The following DENND2B variants were observed in gnomAD, a reference collection of about 807,000 sequenced individuals.
DENND2B encodes DENN domain-containing protein 2B.
In DENND2B, 32 loss-of-function variants were observed where a neutral mutation model predicts 116.0. The observed-to-expected ratio is 0.28, with a 90% confidence interval of 0.21 to 0.37. The LOEUF (loss-of-function observed/expected upper bound fraction) is 0.37. Among genes scored for constraint, DENND2B ranks in the 10% least tolerant of loss-of-function variants. The pLI is 1.00. For synonymous variants in DENND2B, 588 were observed against 583.9 expected (o/e 1.01, Z -0.10); for missense variants, 1,276 against 1,477.7 (o/e 0.86, Z 2.24).
rs754889694 is a variant in DENND2B, at chr11:8,881,751, G to A, written c.-255-642C>T. On this transcript the variant is annotated intron_variant, in intron 1 of 22. Coordinates refer to the DENND2B transcript ENST00000534127. Reference sequence around the variant, plus strand: ...AGACAGGATTTCACCACGTTGGCCAGGCTGGTCTTGCACTTCTGACCTCAA... The same window carrying A: ...AGACAGGATTTCACCACGTTGGCCAAGCTGGTCTTGCACTTCTGACCTCAA... Among the ~76,000 whole-genome samples the A allele has an allele frequency of 3.5e-4, 53 of 152,100 alleles. 1 individual carries two copies. The highest frequency in any genetic ancestry group is 3.8e-4 in the Non-Finnish European group (26 of 68,014).
intron 3 of DENND2B, among the ~76,000 whole-genome samples, chr11:8,856,752 C>CTTT (rs397961269): frequency 1.4e-5 from 2 of 143,464 alleles, no homozygotes; most frequent in Non-Finnish European, 1.5e-5. Context: ...TCACTATTTT[C>CTTT]TTTTTTTTTT....
intron 1 of DENND2B, chr11:8,768,756 T>G (rs1195099323): frequency 6.6e-6 from 1 of 152,548 alleles, no homozygotes; most frequent in Non-Finnish European, 1.5e-5. Context: ...CTAGTCAGCA[T>G]GCTCACCAAG....
At chr11:8,807,099 C>T (rs1355140389) in intron 1 of DENND2B, among the ~76,000 whole-genome samples, 5 of 151,932 alleles carry the variant, frequency 3.3e-5, no homozygotes, top group African/African-American at 1.2e-4. Context: ...AGCCAGGGCT[C>T]GGAAGGGCTG....
intron 1 of DENND2B, among the ~76,000 whole-genome samples, chr11:8,799,033 G>A (rs2060077608): frequency 6.6e-6 from 1 of 152,102 alleles, no homozygotes. Flanking sequence ...TGTTGGCCAG[G>A]CTGGTCTTGA....
At chr11:8,796,157 A>G (rs746669427) in intron 1 of DENND2B, among the ~76,000 whole-genome samples, 1 of 152,238 alleles carries the variant, frequency 6.6e-6, no homozygotes, top group Non-Finnish European at 1.5e-5. Flanking sequence ...ACACCAAGGA[A>G]TGAGAGTTTA....
At chr11:8,893,446 A>G (rs1313675392) in intron 1 of DENND2B, among the ~76,000 whole-genome samples, 3 of 152,184 alleles carry the variant, frequency 2.0e-5, no homozygotes, top group East Asian at 1.9e-4. Context: ...TAGGAAAAGA[A>G]GAAGTCAAAT....
chr11:8,868,289 G>A (rs770689672), intron 2 of DENND2B, among the ~76,000 whole-genome samples: 3 of 152,216 alleles, frequency 2.0e-5, no homozygotes, highest in Non-Finnish European at 2.9e-5. Context: ...ACTTGCACAT[G>A]ACTTGTGATG....
intron 3 of DENND2B, among the ~76,000 whole-genome samples, chr11:8,848,611 C>T (rs921927026): frequency 1.3e-5 from 2 of 151,932 alleles, no homozygotes; most frequent in East Asian, 1.9e-4. Flanking sequence ...ATATGCTTCC[C>T]GAAATATTAT....
At chr11:8,713,260 C>A (rs946356012) in intron 8 of DENND2B, among the ~76,000 whole-genome samples, 2 of 152,160 alleles carry the variant, frequency 1.3e-5, no homozygotes, top group Non-Finnish European at 1.5e-5. Context: ...AAGCTCCTCT[C>A]TGGGGACAGG....
chr11:8,855,394 T>C (rs2063159120), intron 3 of DENND2B, among the ~76,000 whole-genome samples: 1 of 151,056 alleles, frequency 6.6e-6, no homozygotes, highest in African/African-American at 2.4e-5. Flanking sequence ...GCAGCCTCTC[T>C]AGATGACGGG....
At position 8,730,844 on chromosome 11, in the gene DENND2B, C is replaced by A. The variant is rs1273041475; in HGVS notation, c.446G>T (p.Gly149Val). ...GGTACCGGTACGGGTCAGCAAGACGCCCCGGGGGCCAGCTGCTGGCCCCGG... is the reference window on the plus strand; with the variant it reads ...GGTACCGGTACGGGTCAGCAAGACGACCCGGGGGCCAGCTGCTGGCCCCGG... ...PFPGPAAGPR[G>V]VLLTRTGTRA... Residue 149 changes from glycine (G) to valine (V), a missense_variant, in exon 3 of 20, where the codon GGC becomes GTC. Gly to Val is a moderately radical substitution (Grantham distance 109). Transcript: ENST00000313726. This position sits in a 1 kb window ranked among gnomAD's most constrained non-coding sequence, Gnocchi z 4.1. 4 of 1,613,164 alleles carry A rather than the reference C, an allele frequency of 2.5e-6. No individual in the cohort carries two copies. In the Admixed American group the frequency reaches 6.7e-5, roughly 27 times the overall value.
intron 2 of DENND2B, among the ~76,000 whole-genome samples, chr11:8,859,975 C>T (rs1180939512): frequency 1.3e-5 from 2 of 152,238 alleles, no homozygotes; most frequent in Middle Eastern, 3.4e-3. Flanking sequence ...TTCCCCATGG[C>T]CCTTAAAAAA....
chr11:8,796,061 A>T (rs1490478895), intron 1 of DENND2B, among the ~76,000 whole-genome samples: 1 of 152,226 alleles, frequency 6.6e-6, no homozygotes, highest in African/African-American at 2.4e-5. Context: ...ATCTATGCTA[A>T]ATCTGAAATT....
chr11:8,776,134 ACG>A (rs796198573), intron 1 of DENND2B: 90,719 of 288,474 alleles, frequency 0.31, 11,067 homozygotes, highest in East Asian at 0.41. Context: ...GCACACAGAC[ACG>A]CACGTGCGCG....
chr11:8,811,761 T>C (rs1403803560), upstream of DENND2B, among the ~76,000 whole-genome samples: 3 of 152,224 alleles, frequency 2.0e-5, no homozygotes, highest in African/African-American at 4.8e-5. Context: ...AGAGACAGGA[T>C]CTTGCTCCAT....
chr11:8,711,302 C>A (rs2043629522), intron 9 of DENND2B, 71 bp from the exon 10 acceptor site: 5 of 1,380,020 alleles, frequency 3.6e-6, no homozygotes, highest in Non-Finnish European at 5.1e-6. Flanking sequence ...GAAGCCCCTC[C>A]TCCCCTGAGG....
At chr11:8,866,867 A>G (rs1384946315) in intron 2 of DENND2B, among the ~76,000 whole-genome samples, 1 of 152,176 alleles carries the variant, frequency 6.6e-6, no homozygotes, top group Admixed American at 6.5e-5. Flanking sequence ...TCCTGGTGAT[A>G]ATTTCACCTA....
chr11:8,765,330 G>T (rs938454397), intron 1 of DENND2B, among the ~76,000 whole-genome samples: 1 of 152,188 alleles, frequency 6.6e-6, no homozygotes, highest in Non-Finnish European at 1.5e-5. Context: ...TTCTCAGACT[G>T]TGTGCTGAGG....
chr11:8,752,583 T>C (rs2052736884), intron 1 of DENND2B, among the ~76,000 whole-genome samples: 2 of 152,128 alleles, frequency 1.3e-5, no homozygotes, highest in South Asian at 4.2e-4. Flanking sequence ...CATCATGAAA[T>C]TGAGAGCTAG....
Sources: gnomAD v4.1 joint callset for allele counts (sites outside exome capture counted in the v4.1 genomes callset) on GRCh38, gnomAD v4.1.1 for gene constraint, Gnocchi (gnomAD v3.1) non-coding constraint, MANE v1.5 for transcripts, NCBI Gene and HGNC (gene_info 2026-07-23, HGNC 2026-07-21) for gene names.